The following CEP164 variants were observed in gnomAD, a reference collection of about 807,000 sequenced individuals.
The protein encoded by CEP164 is centrosomal protein 164, also known as centrosomal protein of 164 kDa.
A neutral mutation model predicts 182.7 loss-of-function variants in CEP164; 162 were observed. The observed-to-expected ratio is 0.89, with a 90% CI of 0.78 to 1.01. CEP164 has a LOEUF of 1.01. Among genes scored for constraint, CEP164 ranks in the 50% least tolerant of loss-of-function variants. CEP164 has a pLI of 0.00. For synonymous variants in CEP164, 661 were observed against 690.0 expected (o/e 0.96, Z 0.66); for missense variants, 1,735 against 1,790.4 (o/e 0.97, Z 0.56).
At chr11:117,347,396 A>G (rs897317901) in intron 4 of CEP164, among the ~76,000 whole-genome samples, 4 of 152,168 alleles carry the variant, frequency 2.6e-5, no homozygotes, top group Non-Finnish European at 5.9e-5. Context: ...TTGTATTTCC[A>G]TATGAATTTT....
rs755761430 is a variant in CEP164 at position 117,387,198 on chromosome 11, G to A, written c.1725-5G>A. ...TGATGATATGCCATTCCCCACCCAT[G>A]GTAGGCGATCCACAGAGCCTGTGGC... is the stretch of plus-strand genomic sequence containing the variant. On this transcript the variant is annotated splice_region_variant and splice_polypyrimidine_tract_variant and intron_variant, in intron 14 of 32. Coordinates refer to ENST00000278935, the MANE Select transcript of CEP164 (RefSeq NM_014956.5). The A allele has an allele frequency of 1.9e-6, 3 of 1,613,744 alleles. No individual in the cohort carries two copies. The African/African-American group carries it at 4.0e-5, about 22-fold the overall frequency.
chr11:117,407,642 C>G (rs1369503820), intron 27 of CEP164, among the ~76,000 whole-genome samples: 1 of 151,992 alleles, frequency 6.6e-6, no homozygotes, highest in African/African-American at 2.4e-5. Flanking sequence ...GATGGTGAGA[C>G]CTCATCTCTA....
At chr11:117,387,946 C>G (rs574813) in intron 15 of CEP164, among the ~76,000 whole-genome samples, 5,729 of 152,280 alleles carry the variant, frequency 0.038, 182 homozygotes, top group Non-Finnish European at 0.058. Flanking sequence ...TCTCATGAGT[C>G]CAGCGCAGGA....
intron 17 of CEP164, 43 bp from the exon 18 acceptor site, chr11:117,392,183 G>T (rs774463326): frequency 4.6e-6 from 7 of 1,523,986 alleles, no homozygotes; most frequent in Admixed American, 2.0e-5. Context: ...ACCATGATCA[G>T]TACCTGGCCA....
intron 3 of CEP164, among the ~76,000 whole-genome samples, chr11:117,339,275 C>T (rs1443671955): frequency 6.6e-6 from 1 of 152,100 alleles, no homozygotes; most frequent in Admixed American, 6.6e-5. Context: ...CGGTTGTTTA[C>T]AGAAAAAGTT....
chr11:117,394,567 A>T lies in CEP164; in HGVS notation c.2760+74A>T. Reference sequence around the variant, plus strand: ...GTAGGAAGGTGCTGGGAGCAGACGCATGGCCCCAGCAGGATGCAGCCTGAC... The same window carrying T: ...GTAGGAAGGTGCTGGGAGCAGACGCTTGGCCCCAGCAGGATGCAGCCTGAC... On this transcript the variant is annotated intron_variant, in intron 21 of 32. Transcript: ENST00000278935. The surrounding 1 kb of genome is among the most constrained non-coding windows in gnomAD (Gnocchi z 4.0). The T allele has an allele frequency of 6.4e-7, 1 of 1,555,580 alleles. No individual in the cohort carries two copies. The highest frequency in any genetic ancestry group is 8.7e-7 in the Non-Finnish European group (1 of 1,145,646).
chr11:117,324,440 CA>C (rs376068330), upstream of CEP164, among the ~76,000 whole-genome samples: 1,821 of 125,028 alleles, frequency 0.015, 12 homozygotes, highest in African/African-American at 0.025. Context: ...AACTCCCTCT[CA>C]AAAAAAAAAA....
intron 10 of CEP164, among the ~76,000 whole-genome samples, chr11:117,374,612 G>GA (rs1485255843): frequency 6.6e-6 from 1 of 152,178 alleles, no homozygotes; most frequent in East Asian, 1.9e-4. Context: ...AAACTGAAAG[G>GA]AAAATGTCAC....
intron 25 of CEP164, 115 bp downstream of exon 25, chr11:117,396,295 G>T: frequency 8.2e-7 from 1 of 1,219,804 alleles, no homozygotes; most frequent in Non-Finnish European, 1.2e-6. Flanking sequence ...GAGGGGTGGA[G>T]CCTCAGGAGG....
chr11:117,367,197 T>C (rs1269357966), intron 8 of CEP164, among the ~76,000 whole-genome samples: 4 of 152,224 alleles, frequency 2.6e-5, no homozygotes, highest in East Asian at 3.8e-4. Flanking sequence ...TGAAGGGAGA[T>C]GCTCATGGAG....
intron 5 of CEP164, chr11:117,356,296 G>T (rs560883056): frequency 3.0e-5 from 33 of 1,113,170 alleles, no homozygotes; most frequent in Admixed American, 8.8e-5. Flanking sequence ...CGGAGGGCCT[G>T]GGGCTGCCTG....
intron 7 of CEP164, among the ~76,000 whole-genome samples, chr11:117,362,875 A>G (rs972995194): frequency 3.3e-5 from 5 of 152,126 alleles, no homozygotes; most frequent in Non-Finnish European, 7.3e-5. Context: ...CTATGAATTT[A>G]CCTATTCTAG....
chr11:117,356,845 CT>C (rs2040355276), intron 5 of CEP164, among the ~76,000 whole-genome samples: 1 of 152,212 alleles, frequency 6.6e-6, no homozygotes, highest in African/African-American at 2.4e-5. Flanking sequence ...TCTGATTTCC[CT>C]TCCCTGGCTG....
At position 117,394,963 on chromosome 11, in the gene CEP164, C is replaced by A. The variant is rs2045246479; in HGVS notation, c.2804C>A (p.Ala935Asp). The change falls in exon 22 of 33, where the codon GCT becomes GAT. Residue 935 changes from alanine to aspartate, a missense_variant. Coordinates refer to ENST00000278935, the MANE Select transcript of CEP164 (RefSeq NM_014956.5). This position sits in a 1 kb window ranked among gnomAD's most constrained non-coding sequence, Gnocchi z 4.0. Reference sequence around the variant, plus strand: ...TTAGAGTTGGACCTTGAAACCAGAGCTAAAGATGTCAAGGCCAGATTGGCT... The same window carrying A: ...TTAGAGTTGGACCTTGAAACCAGAGATAAAGATGTCAAGGCCAGATTGGCT... The part of the protein sequence containing the change: ...QDLELDLETR[A>D]KDVKARLALL... 1 of 1,614,162 alleles carries A rather than the reference C, an allele frequency of 6.2e-7. No individual in the cohort carries two copies. The highest frequency in any genetic ancestry group is 1.3e-5 in the African/African-American group (1 of 75,042).
chr11:117,364,676 T>G (rs969861784), intron 8 of CEP164, among the ~76,000 whole-genome samples: 5 of 151,966 alleles, frequency 3.3e-5, no homozygotes, highest in African/African-American at 1.2e-4. Context: ...CCGGCTATTT[T>G]TTGTAGAGAT....
intron 1 of CEP164, among the ~76,000 whole-genome samples, chr11:117,322,422 G>C (rs1036149903): frequency 6.6e-6 from 1 of 152,058 alleles, no homozygotes; most frequent in African/African-American, 2.4e-5. Context: ...CCCACATTAT[G>C]CATTTATAAT....
At chr11:117,367,877 G>C (rs2041814598) in intron 8 of CEP164, among the ~76,000 whole-genome samples, 2 of 152,166 alleles carry the variant, frequency 1.3e-5, no homozygotes, top group African/African-American at 4.8e-5. Flanking sequence ...ATCTTGAATA[G>C]TTAATTAATA....
At chr11:117,372,218 G>A (rs951113405) in intron 9 of CEP164, among the ~76,000 whole-genome samples, 2 of 149,248 alleles carry the variant, frequency 1.3e-5, no homozygotes, top group Non-Finnish European at 3.0e-5. Context: ...AGCGATTCTC[G>A]TGCCTCAGCC....
intron 4 of CEP164, among the ~76,000 whole-genome samples, chr11:117,346,554 G>A (rs1592060134): frequency 6.8e-6 from 1 of 147,932 alleles, no homozygotes; most frequent in Non-Finnish European, 1.5e-5. Context: ...ACCACGCCCG[G>A]CCTATTTTTC....
Sources: gnomAD v4.1 joint callset for allele counts (sites outside exome capture counted in the v4.1 genomes callset) on GRCh38, gnomAD v4.1.1 for gene constraint, Gnocchi (gnomAD v3.1) non-coding constraint, MANE v1.5 for transcripts, NCBI Gene and HGNC (gene_info 2026-07-23, HGNC 2026-07-21) for gene names.